The following ARMH3 variants were observed in gnomAD, a reference collection of about 807,000 sequenced individuals.
ARMH3 encodes the protein armadillo-like helical domain-containing protein 3.
ARMH3 carries 60 observed loss-of-function variants against 99.1 expected under a neutral mutation model. The ratio of observed to expected loss-of-function variants is 0.61; its 90% CI spans 0.49 to 0.75. The LOEUF is 0.75. Ranked by LOEUF, ARMH3 falls within the 30% of genes least tolerant of loss-of-function variation. The pLI is 0.00. For missense variants in ARMH3, 679 were observed against 843.1 expected (o/e 0.81, Z 2.41); for synonymous variants, 285 against 292.8 (o/e 0.97, Z 0.27).
At chr10:101,913,826 A>G (rs1371309374) in intron 23 of ARMH3, among the ~76,000 whole-genome samples, 1 of 152,166 alleles carries the variant, frequency 6.6e-6, no homozygotes, top group African/African-American at 2.4e-5. Flanking sequence ...AGGTGCAAAT[A>G]ATGGGTGGTA....
At chr10:101,969,508 G>C (rs917797363) in intron 20 of ARMH3, among the ~76,000 whole-genome samples, 1 of 152,142 alleles carries the variant, frequency 6.6e-6, no homozygotes, top group African/African-American at 2.4e-5. Context: ...CCAACGAAAG[G>C]CTCTCAATTG....
intron 24 of ARMH3, among the ~76,000 whole-genome samples, chr10:101,881,059 T>C (rs2067403865): frequency 1.3e-5 from 2 of 152,218 alleles, no homozygotes; most frequent in South Asian, 2.1e-4. Context: ...ATATAAAGCA[T>C]GTTATTTCCT....
At chr10:101,855,556 A>AT (rs1298162887) in intron 24 of ARMH3, among the ~76,000 whole-genome samples, 1 of 150,328 alleles carries the variant, frequency 6.7e-6, no homozygotes, top group African/African-American at 2.4e-5. Context: ...TGTTTTATTT[A>AT]TTTTTTTGAG....
chr10:101,996,333 C>T (rs1303477081), intron 15 of ARMH3, among the ~76,000 whole-genome samples: 1 of 152,116 alleles, frequency 6.6e-6, no homozygotes, highest in African/African-American at 2.4e-5. Flanking sequence ...TACTATTTAC[C>T]CTGACATTGA....
chr10:101,934,793 T>C (rs931571590), intron 23 of ARMH3, among the ~76,000 whole-genome samples: 1 of 152,178 alleles, frequency 6.6e-6, no homozygotes, highest in African/African-American at 2.4e-5. Context: ...TTTAGTTTAC[T>C]ATCTTTCTCT....
chr10:102,026,599 G>C (rs1465480918), intron 5 of ARMH3, among the ~76,000 whole-genome samples: 1 of 152,160 alleles, frequency 6.6e-6, no homozygotes, highest in Non-Finnish European at 1.5e-5. Flanking sequence ...CCCTGGTGTG[G>C]GGTTGGAATA....
rs562212757 is a variant in ARMH3 at position 101,882,669 on chromosome 10, T to C, written c.1860+6743A>G. ...CACATGCCACCATGCCCGGCTAATT[T>C]TTGTATTTTTAGTAGAGACAGGGTT... On this transcript the variant is annotated intron_variant, in intron 24 of 25. Transcript: ENST00000370033. Among the ~76,000 whole-genome samples the C allele has an allele frequency of 6.6e-5, 10 of 152,270 alleles. No homozygotes were observed. In the South Asian group the frequency reaches 2.1e-3, roughly 32 times the overall value.
chr10:102,041,613 C>T (rs980634470), intron 1 of ARMH3, among the ~76,000 whole-genome samples: 6 of 151,916 alleles, frequency 3.9e-5, no homozygotes, highest in East Asian at 1.9e-4. Flanking sequence ...CACTAAAGCA[C>T]AGGAAATTTC....
chr10:102,046,051 C>T (rs1397889721), intron 1 of ARMH3, among the ~76,000 whole-genome samples: 6 of 152,014 alleles, frequency 3.9e-5, no homozygotes, highest in African/African-American at 1.4e-4. Context: ...GACGAGATCG[C>T]ACCATTGCAC....
At chr10:101,978,411 C>A (rs1846095903) in intron 19 of ARMH3, among the ~76,000 whole-genome samples, 1 of 152,156 alleles carries the variant, frequency 6.6e-6, no homozygotes, top group African/African-American at 2.4e-5. Flanking sequence ...AAAAATAGTA[C>A]AACCACTTTG....
At chr10:102,002,357 C>G (rs773577726) in intron 14 of ARMH3, among the ~76,000 whole-genome samples, 51 of 152,174 alleles carry the variant, frequency 3.4e-4, no homozygotes, top group Non-Finnish European at 5.3e-4. Flanking sequence ...ATGTTGATTC[C>G]ACTTCCTGCC....
At chr10:101,944,317 G>GAC in intron 22 of ARMH3, among the ~76,000 whole-genome samples, 1 of 116,172 alleles carries the variant, frequency 8.6e-6, no homozygotes, top group Non-Finnish European at 1.7e-5. Flanking sequence ...GAGAGAGAGA[G>GAC]AGAGAGAGAG....
intron 19 of ARMH3, 73 bp from the exon 20 acceptor site, chr10:101,975,373 T>C (rs946668019): frequency 8.3e-6 from 10 of 1,210,182 alleles, no homozygotes; most frequent in Middle Eastern, 1.9e-4. Context: ...CCCTTCTTAG[T>C]GAGCCAGCTT....
At chr10:101,853,190 C>T (rs2066647937) in intron 24 of ARMH3, among the ~76,000 whole-genome samples, 1 of 152,064 alleles carries the variant, frequency 6.6e-6, no homozygotes, top group Non-Finnish European at 1.5e-5. Context: ...AGCGCCCGGC[C>T]TTCCCTGGCC....
chr10:101,944,273 T>TATATATAGAG (rs1844401380), intron 22 of ARMH3, among the ~76,000 whole-genome samples: 9 of 25,402 alleles, frequency 3.5e-4, no homozygotes, highest in East Asian at 1.4e-3. Context: ...TATATATATA[T>TATATATAGAG]AGAGAGAGAG....
intron 1 of ARMH3, among the ~76,000 whole-genome samples, chr10:102,043,965 G>A (rs536882524): frequency 4.6e-5 from 7 of 152,106 alleles, no homozygotes; most frequent in Non-Finnish European, 1.0e-4. Flanking sequence ...CACCCAGGCT[G>A]GAGTGCAGTG....
intron 23 of ARMH3, among the ~76,000 whole-genome samples, chr10:101,893,901 T>C (rs1171370524): frequency 1.3e-5 from 2 of 152,216 alleles, no homozygotes; most frequent in Non-Finnish European, 2.9e-5. Context: ...CATGCTGATA[T>C]TGTTTGGGCA....
chr10:102,041,377 T>C (rs915175479), intron 1 of ARMH3, among the ~76,000 whole-genome samples: 1 of 151,966 alleles, frequency 6.6e-6, no homozygotes, highest in African/African-American at 2.4e-5. Context: ...TCTCATCCAA[T>C]GACAAGTATG....
At chr10:101,964,321 CAT>C (rs1409847624) in intron 20 of ARMH3, among the ~76,000 whole-genome samples, 2 of 152,134 alleles carry the variant, frequency 1.3e-5, no homozygotes, top group Non-Finnish European at 2.9e-5. Context: ...GCTCAGAGTA[CAT>C]GTCTCTAAAT....
Sources: gnomAD v4.1 joint callset for allele counts (sites outside exome capture counted in the v4.1 genomes callset) on GRCh38, gnomAD v4.1.1 for gene constraint, MANE v1.5 for transcripts, NCBI Gene and HGNC (gene_info 2026-07-23, HGNC 2026-07-21) for gene names.